The following SLK variants were observed in gnomAD, a reference collection of about 807,000 sequenced individuals.
SLK encodes STE20-like serine/threonine-protein kinase.
In SLK, 67 loss-of-function variants were observed where a neutral mutation model predicts 147.7. The ratio of observed to expected loss-of-function variants is 0.45; its 90% CI spans 0.37 to 0.56. The LOEUF (loss-of-function observed/expected upper bound fraction) is 0.56, where lower values mean the gene tolerates loss of function less well. SLK is among the 20% of genes least tolerant of loss of function. SLK has a pLI of 0.00. For synonymous variants in SLK, 441 were observed against 475.0 expected (o/e 0.93, Z 0.93); for missense variants, 1,136 against 1,438.8 (o/e 0.79, Z 3.41).
In SLK at chr10:104,020,517, A is replaced by G. The variant is rs749266536; in HGVS notation, c.3351A>G (p.Lys1117=). ...QFAAQEEKRQ[K]NERMAQHQKH... is the part of the protein sequence containing the mutation. Reference sequence around the variant, plus strand: ...CTGCACAAGAAGAAAAGAGGCAGAAAAATGAGAGAATGGCTCAGCATCAGA... The same window carrying G: ...CTGCACAAGAAGAAAAGAGGCAGAAGAATGAGAGAATGGCTCAGCATCAGA... The change falls in exon 17 of 19, where the codon AAA becomes AAG. Residue 1117 remains lysine (K), a synonymous_variant. Transcript: ENST00000369755. 6.2e-7 allele frequency: 1 copy of G among 1,613,844 alleles called. No homozygotes were observed. Among genetic ancestry groups the G allele is most frequent in the Non-Finnish European group, 8.5e-7 (1 of 1,179,892 alleles).
chr10:104,003,954 T>C (rs1831214431), intron 9 of SLK, among the ~76,000 whole-genome samples: 1 of 152,184 alleles, frequency 6.6e-6, no homozygotes, highest in African/African-American at 2.4e-5. Flanking sequence ...ATGAGAACCA[T>C]TGTGGGGAAA....
chr10:104,005,269 T>C (rs1485218476), intron 9 of SLK, among the ~76,000 whole-genome samples: 2 of 152,210 alleles, frequency 1.3e-5, no homozygotes, highest in African/African-American at 4.8e-5. Context: ...TGCTCATCAC[T>C]TATGCCTAAT....
chr10:103,972,133 T>C (rs1420812087), intron 1 of SLK, among the ~76,000 whole-genome samples: 1 of 152,268 alleles, frequency 6.6e-6, no homozygotes, highest in Non-Finnish European at 1.5e-5. Flanking sequence ...TAGTTCTTTT[T>C]CGTTGTAGCA....
intron 1 of SLK, among the ~76,000 whole-genome samples, chr10:103,987,845 A>G (rs575858491): frequency 4.6e-5 from 7 of 152,352 alleles, no homozygotes; most frequent in Non-Finnish European, 8.8e-5. Context: ...TGACCAAATG[A>G]TAGAAATATG....
At chr10:104,009,044 T>C (rs1844366790) in intron 12 of SLK, among the ~76,000 whole-genome samples, 1 of 152,148 alleles carries the variant, frequency 6.6e-6, no homozygotes, top group African/African-American at 2.4e-5. Context: ...AGAATCTGTT[T>C]GCAGTATAAA....
At chr10:104,012,826 T>C (rs1208792639) in intron 13 of SLK, among the ~76,000 whole-genome samples, 3 of 152,236 alleles carry the variant, frequency 2.0e-5, no homozygotes, top group Non-Finnish European at 4.4e-5. Context: ...GTACTTTTGG[T>C]TAATTTGGAT....
rs1271139841 is a variant in SLK, at chr10:104,025,721, C to G, written c.*1C>G. 6.2e-7 allele frequency: 1 copy of G among 1,613,788 alleles called. No homozygotes were observed. Among genetic ancestry groups the G allele is most frequent in the Admixed American group, 1.7e-5 (1 of 59,988 alleles). On this transcript the variant is annotated 3_prime_UTR_variant, in exon 19 of 19. Transcript: ENST00000369755. ...CAGCTTGCATTCCACCGGATCATAA[C>G]AAAGGGAAGCATTCTGTGCGTGGGT...
intron 13 of SLK, among the ~76,000 whole-genome samples, chr10:104,013,483 T>A (rs1365329089): frequency 6.6e-6 from 1 of 152,242 alleles, no homozygotes; most frequent in African/African-American, 2.4e-5. Flanking sequence ...TTCAAATCCT[T>A]CATTTTACAG....
rs1006225461 is a variant in SLK, at chr10:104,018,082, A to G, written c.2878-78A>G. 43 of 1,190,368 alleles carry G rather than the reference A, an allele frequency of 3.6e-5. No individual in the cohort carries two copies. The South Asian group carries it at 5.4e-4, about 15-fold the overall frequency. 73.7% of individuals were successfully genotyped at this position (1,190,368 alleles called of 1,614,324 possible). ...TGGTTTGGAAATCTTGTTAACCACT[A>G]ATATATACAGCCATATAGATAAATG... On this transcript the variant is annotated intron_variant, in intron 13 of 18. Coordinates refer to ENST00000369755, the MANE Select transcript of SLK (RefSeq NM_014720.4).
Position 103,990,813 on chromosome 10 carries a change from G to A in SLK, c.289G>A (p.Ala97Thr). ...DHPNIVKLLD[A>T]FYYENNLWIL... ...CCCAAATATAGTCAAGCTTCTAGAT[G>A]CCTTCTATTATGAGAACAATCTTTG... is the stretch of plus-strand genomic sequence containing the variant. Residue 97 changes from alanine (A) to threonine (T), a missense_variant, in exon 2 of 19, where the codon GCC (alanine) becomes ACC (threonine). Coordinates refer to ENST00000369755, the MANE Select transcript of SLK (RefSeq NM_014720.4). 6.5e-7 allele frequency: 1 copy of A among 1,529,982 alleles called. No homozygotes were observed. Among genetic ancestry groups the A allele is most frequent in the Non-Finnish European group, 8.7e-7 (1 of 1,146,116 alleles). 94.8% of individuals were successfully genotyped at this position (1,529,982 alleles called of 1,614,324 possible).
At chr10:104,012,171 C>G (rs1431346745) in intron 13 of SLK, among the ~76,000 whole-genome samples, 1 of 152,088 alleles carries the variant, frequency 6.6e-6, no homozygotes, top group East Asian at 1.9e-4. Flanking sequence ...ACAATAAAAA[C>G]CACTGGGGAC....
chr10:103,999,490 G>A (rs764785698), intron 6 of SLK, among the ~76,000 whole-genome samples, 177 bp downstream of exon 6: 5 of 152,090 alleles, frequency 3.3e-5, no homozygotes, highest in South Asian at 2.1e-4. Context: ...AAAACTCTTC[G>A]AGCTCACTTT....
intron 4 of SLK, among the ~76,000 whole-genome samples, chr10:103,993,707 T>C (rs367858465): frequency 6.6e-6 from 1 of 152,182 alleles, no homozygotes; most frequent in East Asian, 1.9e-4. Context: ...GTAGGTCTTA[T>C]GAAAGTTATA....
chr10:104,012,999 A>G lies in SLK; in HGVS notation c.2877+2091A>G, dbSNP rs141393299. On this transcript the variant is annotated intron_variant, in intron 13 of 18. Transcript: ENST00000369755. Reference sequence around the variant, plus strand: ...AATAAGACTTTGTTGGTGATTTTTCATATAATTTTGGTAACAGGCCAGTAT... The same window carrying G: ...AATAAGACTTTGTTGGTGATTTTTCGTATAATTTTGGTAACAGGCCAGTAT... 3.8e-4 allele frequency among the ~76,000 whole-genome samples: 58 copies of G among 152,332 alleles called. No homozygotes were observed. The South Asian group carries it at 7.5e-3, about 20-fold the overall frequency.
intron 1 of SLK, among the ~76,000 whole-genome samples, chr10:103,977,769 A>G (rs1843889865): frequency 6.6e-6 from 1 of 152,218 alleles, no homozygotes; most frequent in Non-Finnish European, 1.5e-5. Context: ...TATTGTTTGG[A>G]TATAAGAAAG....
chr10:103,969,852 G>T (rs1720087551), intron 1 of SLK, among the ~76,000 whole-genome samples: 1 of 152,198 alleles, frequency 6.6e-6, no homozygotes, highest in Non-Finnish European at 1.5e-5. Flanking sequence ...ACCCATTAAA[G>T]TTCTGTGAGT....
chr10:103,999,023 A>G (rs1448999630), intron 5 of SLK, 52 bp downstream of exon 5: 1 of 1,534,530 alleles, frequency 6.5e-7, no homozygotes, highest in Non-Finnish European at 9.0e-7. Context: ...AGCAGTTATA[A>G]TTACTCATGA....
chr10:103,981,530 G>A lies in SLK; in HGVS notation c.151-9145G>A, dbSNP rs77909296. On this transcript the variant is annotated intron_variant, in intron 1 of 18. Coordinates refer to ENST00000369755, the MANE Select transcript of SLK (RefSeq NM_014720.4). The stretch of plus-strand genomic sequence containing the variant: ...TTTTGAGTTAATTTTTGTTTATGGT[G>A]TTAGGTAAGGGTCCAACTTCACTGT... Among the ~76,000 whole-genome samples, 403 of 152,162 alleles carry A rather than the reference G, an allele frequency of 2.6e-3. 1 individual carries two copies. The highest frequency in any genetic ancestry group is 9.5e-3 in the African/African-American group (394 of 41,522).
Position 103,967,891 on chromosome 10 carries a change from A to C in SLK, c.146A>C (p.Tyr49Ser), listed in dbSNP as rs1843737974. The C allele has an allele frequency of 6.3e-7, 1 of 1,575,496 alleles. No individual in the cohort carries two copies. The highest frequency in any genetic ancestry group is 1.1e-5 in the South Asian group (1 of 89,782). The change falls in exon 1 of 19, where the codon TAC (tyrosine) becomes TCC (serine). Residue 49 changes from tyrosine (Y) to serine (S), a missense_variant. Coordinates refer to ENST00000369755, the MANE Select transcript of SLK (RefSeq NM_014720.4). ...ELGDGAFGKV[Y>S]KAQNKETSVL... is the part of the protein sequence containing the mutation. ...GGCGACGGAGCCTTTGGGAAAGTGT[A>C]CAAGGTAAGAGGGGGAAAACGGGAA...
Sources: gnomAD v4.1 joint callset for allele counts (sites outside exome capture counted in the v4.1 genomes callset) on GRCh38, gnomAD v4.1.1 for gene constraint, MANE v1.5 for transcripts, NCBI Gene and HGNC (gene_info 2026-07-23, HGNC 2026-07-21) for gene names.